The following MAMLD1 variants were observed in gnomAD, a reference collection of about 807,000 sequenced individuals.
MAMLD1 encodes mastermind like domain containing 1, also known as mastermind-like domain-containing protein 1.
MAMLD1 carries 14 observed loss-of-function variants against 45.0 expected under a neutral mutation model. That is an observed-to-expected ratio of 0.31 (90% CI 0.21 to 0.49). The LOEUF (loss-of-function observed/expected upper bound fraction) is 0.49, where lower values mean the gene tolerates loss of function less well. Ranked by LOEUF, MAMLD1 falls within the 20% of genes least tolerant of loss-of-function variation. The pLI, the probability that MAMLD1 is intolerant of heterozygous loss-of-function variation, is 0.99. For missense variants in MAMLD1, 543 were observed against 603.6 expected, an observed-to-expected ratio of 0.90 and a Z score of 1.05; for synonymous variants, 254 against 247.8, an observed-to-expected ratio of 1.02 and a Z score of -0.24.
intron 1 of MAMLD1, among the ~76,000 whole-genome samples, chrX:150,412,819 G>A (rs1298355721): frequency 9.1e-6 from 1 of 110,484 alleles, no homozygotes; most frequent in Non-Finnish European, 1.9e-5. Context: ...CTGGGCTCAG[G>A]TCATCCTCCC....
chrX:150,435,647 T>C (rs1216117850), intron 1 of MAMLD1, among the ~76,000 whole-genome samples: 3 of 113,046 alleles, frequency 2.7e-5, no homozygotes, highest in East Asian at 5.5e-4. Flanking sequence ...CAGCATACCA[T>C]TGGGTCTCAC....
At position 150,470,614 on chromosome X, in the gene MAMLD1, C is replaced by A. The variant is rs62641609; in HGVS notation, c.1041C>A (p.His347Gln). 3.5e-3 allele frequency: 4,189 copies of A among 1,209,902 alleles called. 99 individuals carry two copies. The African/African-American group carries it at 0.064, about 19-fold the overall frequency. Residue 347 changes from histidine (H) to glutamine (Q), a missense_variant, in exon 4 of 8, where the codon CAC (histidine) becomes CAA (glutamine). By Grantham distance (24) the His-to-Gln change is conservative (BLOSUM62 0). Transcript: ENST00000370401. The part of the protein sequence containing the change: ...SPPYRPVPSP[H>Q]PPPLPLPPPP... Reference sequence around the variant, plus strand: ...CTTACCGCCCAGTGCCATCACCACACCCACCACCGCTGCCACTGCCACCAC... The same window carrying A: ...CTTACCGCCCAGTGCCATCACCACAACCACCACCGCTGCCACTGCCACCAC...
At chrX:150,425,612 C>T (rs2034676930) in intron 1 of MAMLD1, among the ~76,000 whole-genome samples, 1 of 111,875 alleles carries the variant, frequency 8.9e-6, no homozygotes, top group African/African-American at 3.3e-5. Flanking sequence ...CTAGTCCAGC[C>T]CTCCACCCAA....
At position 150,512,593 on chromosome X, in the gene MAMLD1, C is replaced by T. The variant is rs1185759752; in HGVS notation, c.*634C>T. ...GAACACAAGTGCCCCTGGCCAACAA[C>T]CCCAGCTTCAGCCTGCTGGGCAGCC... On this transcript the variant is annotated 3_prime_UTR_variant, in exon 8 of 8. Coordinates refer to ENST00000370401, the MANE Select transcript of MAMLD1 (RefSeq NM_005491.5). 8.7e-7 allele frequency: 1 copy of T among 1,151,502 alleles called. No individual in the cohort carries two copies. The highest frequency in any genetic ancestry group is 1.8e-5 in the African/African-American group (1 of 55,937). 94.9% of individuals were successfully genotyped at this position (1,151,502 alleles called of 1,213,427 possible).
intron 5 of MAMLD1, among the ~76,000 whole-genome samples, chrX:150,501,135 A>T (rs1557408506): frequency 1.8e-5 from 2 of 111,705 alleles, no homozygotes. Context: ...CTGTTTCTTG[A>T]CCCATCACTA....
chrX:150,424,406 G>A (rs781939162), intron 1 of MAMLD1, among the ~76,000 whole-genome samples: 1 of 112,082 alleles, frequency 8.9e-6, no homozygotes, highest in South Asian at 3.7e-4. Flanking sequence ...GAGTTCCTGG[G>A]GAGCAGCAGC....
intron 2 of MAMLD1, among the ~76,000 whole-genome samples, chrX:150,450,089 G>C (rs1300497017): frequency 2.7e-5 from 3 of 111,506 alleles, no homozygotes; most frequent in African/African-American, 9.8e-5. Context: ...GTATTTCCAG[G>C]GCCTTCTGCA....
chrX:150,504,747 A>C (rs2037673574), intron 6 of MAMLD1: 1 of 752,198 alleles, frequency 1.3e-6, no homozygotes, highest in South Asian at 6.8e-5. Context: ...TCAAGCCAAC[A>C]GCTTTCACCC....
In MAMLD1 at chrX:150,470,124, C is replaced by T; in HGVS notation, c.551C>T (p.Thr184Ile). The T allele has an allele frequency of 8.3e-7, 1 of 1,211,607 alleles. No individual in the cohort carries two copies. The highest frequency in any genetic ancestry group is 1.1e-6 in the Non-Finnish European group (1 of 895,495). ...QELQELLEEL[T>I]KIQDPSPNEL... ...CTTCAAGAGCTGCTAGAGGAGCTCA[C>T]CAAAATTCAAGACCCTTCTCCAAAT... The change falls in exon 4 of 8, where the codon ACC becomes ATC. Residue 184 changes from threonine (T) to isoleucine (I), a missense_variant. Transcript: ENST00000370401.
At chrX:150,430,167 C>T (rs782413479) in intron 1 of MAMLD1, among the ~76,000 whole-genome samples, 1 of 106,741 alleles carries the variant, frequency 9.4e-6, no homozygotes. Flanking sequence ...AGGTGCACAC[C>T]ACCACACCTG....
chrX:150,488,812 C>A (rs1557407780), intron 5 of MAMLD1, among the ~76,000 whole-genome samples: 1 of 112,903 alleles, frequency 8.9e-6, no homozygotes, highest in African/African-American at 3.2e-5. Context: ...TATAAGCCAC[C>A]CATTTGCTGG....
chrX:150,373,274 G>A (rs190698326), intron 1 of MAMLD1, among the ~76,000 whole-genome samples: 1 of 111,653 alleles, frequency 9.0e-6, no homozygotes, highest in African/African-American at 3.3e-5. Context: ...CCCAGAGTGG[G>A]AGGCCCGTTC....
intron 1 of MAMLD1, among the ~76,000 whole-genome samples, chrX:150,432,087 T>G (rs1449409167): frequency 9.1e-6 from 1 of 110,055 alleles, no homozygotes; most frequent in African/African-American, 3.3e-5. Context: ...CAACCTCTGT[T>G]TTTTTTTTAT....
chrX:150,493,595 C>T (rs781849895), intron 5 of MAMLD1, among the ~76,000 whole-genome samples: 4 of 111,502 alleles, frequency 3.6e-5, no homozygotes, highest in South Asian at 3.8e-4. Flanking sequence ...CCTCCCTCTT[C>T]CCAGAGATAA....
upstream of MAMLD1, among the ~76,000 whole-genome samples, chrX:150,362,599 C>T (rs1557400528): frequency 1.8e-5 from 2 of 111,525 alleles, no homozygotes; most frequent in Non-Finnish European, 3.8e-5. Flanking sequence ...TGAGCGCTCT[C>T]TCGCCCTGTC....
rs185429258 is a variant in MAMLD1, at chrX:150,385,040, C to A, written c.-64+21510C>A. On this transcript the variant is annotated intron_variant, in intron 1 of 7. Coordinates refer to ENST00000370401, the MANE Select transcript of MAMLD1 (RefSeq NM_005491.5). ...CATTAGATTCCCAGAACTTATTCAT[C>A]TTATAACTGAAGGTTTGCACACTTT... Among the ~76,000 whole-genome samples the A allele has an allele frequency of 9.9e-5, 11 of 111,269 alleles. No individual in the cohort carries two copies. In the East Asian group the frequency reaches 3.1e-3, roughly 31 times the overall value.
intron 1 of MAMLD1, among the ~76,000 whole-genome samples, chrX:150,425,569 A>T (rs1262310814): frequency 8.9e-6 from 1 of 112,159 alleles, no homozygotes; most frequent in Non-Finnish European, 1.9e-5. Flanking sequence ...CAAGTCATCC[A>T]GGCTCTAGGT....
intron 6 of MAMLD1, among the ~76,000 whole-genome samples, chrX:150,508,775 C>T (rs613974): frequency 9.0e-6 from 1 of 111,401 alleles, no homozygotes; most frequent in Non-Finnish European, 1.9e-5. Context: ...CTGGCATCTT[C>T]GGGGGGACAC....
chrX:150,450,275 G>A (rs192064745), intron 2 of MAMLD1, among the ~76,000 whole-genome samples: 1 of 112,650 alleles, frequency 8.9e-6, no homozygotes, highest in East Asian at 2.8e-4. Context: ...TGCAGGGGCA[G>A]CCAGCTGGGA....
Sources: gnomAD v4.1 joint callset for allele counts (sites outside exome capture counted in the v4.1 genomes callset) on GRCh38, gnomAD v4.1.1 for gene constraint, MANE v1.5 for transcripts, NCBI Gene and HGNC (gene_info 2026-07-23, HGNC 2026-07-21) for gene names.